SLC22A3: variants seen among roughly 807,000 people sequenced by gnomAD.
SLC22A3 encodes the protein solute carrier family 22 member 3, also known as EMT organic cation transporter 3.
Under a neutral mutation model 59.1 loss-of-function variants are expected in SLC22A3, and 51 were observed. The observed-to-expected ratio is 0.86, with a 90% CI of 0.69 to 1.09. SLC22A3 has a LOEUF of 1.09. Ranked by LOEUF, SLC22A3 falls within the 50% of genes least tolerant of loss-of-function variation. The pLI, the probability that SLC22A3 is intolerant of heterozygous loss-of-function variation, is 0.00. For synonymous variants in SLC22A3, 325 were observed against 292.0 expected, an observed-to-expected ratio of 1.11 and a Z score of -1.15; for missense variants, 711 against 726.3, an observed-to-expected ratio of 0.98 and a Z score of 0.24.
intron 1 of SLC22A3, among the ~76,000 whole-genome samples, chr6:160,362,227 C>A (rs1483343908): frequency 6.6e-6 from 1 of 152,210 alleles, no homozygotes; most frequent in Non-Finnish European, 1.5e-5. Flanking sequence ...TGGTATTAAT[C>A]CAATAATTCA....
chr6:160,400,983 T>TG (rs1786752474), intron 2 of SLC22A3, among the ~76,000 whole-genome samples: 1 of 11,872 alleles, frequency 8.4e-5, no homozygotes, highest in Admixed American at 6.9e-4. Context: ...CCTCCAAAAC[T>TG]GAAAAAAAAA....
intron 1 of SLC22A3, among the ~76,000 whole-genome samples, chr6:160,359,260 A>G (rs543813297): frequency 1.7e-4 from 26 of 152,336 alleles, no homozygotes; most frequent in Admixed American, 6.5e-4. Context: ...TGGGGCACTA[A>G]TTATGAATGT....
In SLC22A3 at chr6:160,371,899, G is replaced by A. The variant is rs1683987904; in HGVS notation, c.429+23051G>A. Among the ~76,000 whole-genome samples, 5 of 152,206 alleles carry A rather than the reference G, an allele frequency of 3.3e-5. No homozygotes were observed. The South Asian group carries it at 1.0e-3, about 32-fold the overall frequency. On this transcript the variant is annotated intron_variant, in intron 1 of 10. Coordinates refer to ENST00000275300, the MANE Select transcript of SLC22A3 (RefSeq NM_021977.4). The stretch of plus-strand genomic sequence containing the variant: ...TGGCTTGATATGGTATCTCATTGTG[G>A]TTTTGATTTGCATTTCTCTAATGAC...
intron 1 of SLC22A3, among the ~76,000 whole-genome samples, chr6:160,361,741 G>A (rs925044686): frequency 6.6e-6 from 1 of 152,162 alleles, no homozygotes; most frequent in Non-Finnish European, 1.5e-5. Context: ...GAACCAACAA[G>A]TAATTAACTG....
intron 1 of SLC22A3, among the ~76,000 whole-genome samples, chr6:160,389,983 C>A (rs1314394949): frequency 6.6e-6 from 1 of 152,226 alleles, no homozygotes; most frequent in Non-Finnish European, 1.5e-5. Context: ...TAAATCAATG[C>A]AGTGACTCAA....
intron 5 of SLC22A3, among the ~76,000 whole-genome samples, chr6:160,417,297 G>C (rs906691848): frequency 6.6e-6 from 1 of 152,166 alleles, no homozygotes; most frequent in Non-Finnish European, 1.5e-5. Context: ...AATCAGTGCT[G>C]TTCCTTCAGG....
At position 160,442,889 on chromosome 6, in the gene SLC22A3, T is replaced by C. The variant is rs777734604; in HGVS notation, c.1397+20T>C. Reference sequence around the variant, plus strand: ...ATTACGGTAATTCTAACAAACGTTATAGTTTCTCCTAAGTAACTCTGTAGA... The same window carrying C: ...ATTACGGTAATTCTAACAAACGTTACAGTTTCTCCTAAGTAACTCTGTAGA... On this transcript the variant is annotated intron_variant, in intron 8 of 10. Coordinates refer to ENST00000275300, the MANE Select transcript of SLC22A3 (RefSeq NM_021977.4). 6.4e-7 allele frequency: 1 copy of C among 1,558,582 alleles called. No individual in the cohort carries two copies. The highest frequency in any genetic ancestry group is 8.9e-7 in the Non-Finnish European group (1 of 1,129,588).
intron 1 of SLC22A3, among the ~76,000 whole-genome samples, chr6:160,358,017 C>A (rs1469071281): frequency 6.6e-6 from 1 of 152,124 alleles, no homozygotes. Flanking sequence ...TTAATTCCAA[C>A]CAAGTTGAAT....
intron 5 of SLC22A3, among the ~76,000 whole-genome samples, chr6:160,421,987 AC>A (rs1198035571): frequency 6.6e-6 from 1 of 152,200 alleles, no homozygotes; most frequent in East Asian, 1.9e-4. Context: ...CTCTCTGTGA[AC>A]GCGCTCCTTC....
Position 160,410,850 on chromosome 6 carries a change from A to T in SLC22A3, c.975+4A>T. Reference sequence around the variant, plus strand: ...CCTCTCATCAAATTACTCAGAGGTAATTTCTTTCAGTATGAGTAACAAATA... The same window carrying T: ...CCTCTCATCAAATTACTCAGAGGTATTTTCTTTCAGTATGAGTAACAAATA... On this transcript the variant is annotated splice_donor_region_variant and intron_variant, in intron 5 of 10. Coordinates refer to ENST00000275300, the MANE Select transcript of SLC22A3 (RefSeq NM_021977.4). 1 of 1,550,860 alleles carries T rather than the reference A, an allele frequency of 6.4e-7. No homozygotes were observed. The highest frequency in any genetic ancestry group is 8.9e-7 in the Non-Finnish European group (1 of 1,123,402).
At chr6:160,416,941 G>C (rs1331749738) in intron 5 of SLC22A3, among the ~76,000 whole-genome samples, 1 of 152,228 alleles carries the variant, frequency 6.6e-6, no homozygotes, top group Non-Finnish European at 1.5e-5. Context: ...ACTTCTGGTG[G>C]TAGTAGACTT....
At position 160,415,933 on chromosome 6, in the gene SLC22A3, C is replaced by T. The variant is rs1787468835; in HGVS notation, c.975+5087C>T. 6.6e-6 allele frequency among the ~76,000 whole-genome samples: 1 copy of T among 152,166 alleles called. No individual in the cohort carries two copies. The highest frequency in any genetic ancestry group is 2.4e-5 in the African/African-American group (1 of 41,428). ...CTAAATTAACTACAAACTAAGATTACACCAATCTCCAGAGCTTTAGTGAGA... is the reference window on the plus strand; with the variant it reads ...CTAAATTAACTACAAACTAAGATTATACCAATCTCCAGAGCTTTAGTGAGA... On this transcript the variant is annotated intron_variant, in intron 5 of 10. Transcript: ENST00000275300. This position sits in a 1 kb window ranked among gnomAD's most constrained non-coding sequence, Gnocchi z 4.1.
At chr6:160,412,669 G>A (rs995199806) in intron 5 of SLC22A3, among the ~76,000 whole-genome samples, 2 of 152,078 alleles carry the variant, frequency 1.3e-5, no homozygotes, top group Non-Finnish European at 2.9e-5. Flanking sequence ...GTTCCTTTTA[G>A]GGAAAAATAA....
At chr6:160,431,834 A>G (rs1239405129) in intron 5 of SLC22A3, among the ~76,000 whole-genome samples, 3 of 152,208 alleles carry the variant, frequency 2.0e-5, no homozygotes, top group Non-Finnish European at 2.9e-5. Flanking sequence ...GTAACAGAAA[A>G]CCAACTTAAA....
intron 1 of SLC22A3, among the ~76,000 whole-genome samples, chr6:160,387,588 T>G (rs941775294): frequency 6.6e-6 from 1 of 152,192 alleles, no homozygotes; most frequent in Non-Finnish European, 1.5e-5. Flanking sequence ...ATTATACTAA[T>G]GTATGATGGT....
At chr6:160,375,135 T>G (rs73589293) in intron 1 of SLC22A3, among the ~76,000 whole-genome samples, 3,058 of 152,280 alleles carry the variant, frequency 0.02, 77 homozygotes, top group African/African-American at 0.07. Flanking sequence ...ATCTGGAAAT[T>G]TGATGGCTTT....
chr6:160,402,293 C>T (rs1408039967), intron 2 of SLC22A3, among the ~76,000 whole-genome samples: 6 of 151,768 alleles, frequency 4.0e-5, no homozygotes, highest in Non-Finnish European at 7.4e-5. Context: ...GGGATAAAAA[C>T]GGGCATTATA....
In SLC22A3 at chr6:160,451,386, G is replaced by A. The variant is rs112916979; in HGVS notation, c.*330G>A. 1 of 279,334 alleles carries A rather than the reference G, an allele frequency of 3.6e-6. No homozygotes were observed. The highest frequency in any genetic ancestry group is 6.9e-6 in the Non-Finnish European group (1 of 145,668). 17.3% of individuals were successfully genotyped at this position (279,334 alleles called of 1,614,324 possible). A position where few individuals can be genotyped will look rare whatever the true frequency, so the allele number is the denominator to read the frequency against. ...GAGAGACAAGAGAAGCCCCCAACCT[G>A]ATTCTCATGACAGCTCCATCAAGAA... On this transcript the variant is annotated 3_prime_UTR_variant, in exon 11 of 11. Transcript: ENST00000275300.
intron 1 of SLC22A3, among the ~76,000 whole-genome samples, chr6:160,392,290 TC>T (rs1266771255): frequency 1.3e-5 from 2 of 152,208 alleles, no homozygotes; most frequent in Non-Finnish European, 2.9e-5. Context: ...TCTACCTAAA[TC>T]CAGCTCATTG....
Sources: gnomAD v4.1 joint callset for allele counts (sites outside exome capture counted in the v4.1 genomes callset) on GRCh38, gnomAD v4.1.1 for gene constraint, Gnocchi (gnomAD v3.1) non-coding constraint, MANE v1.5 for transcripts, NCBI Gene and HGNC (gene_info 2026-07-23, HGNC 2026-07-21) for gene names.